The following FANCD2OS variants were observed in gnomAD, a reference collection of about 807,000 sequenced individuals.
FANCD2OS encodes FANCD2 opposite strand, also known as FANCD2 opposite strand protein.
In FANCD2OS, 11 loss-of-function variants were observed where a neutral mutation model predicts 13.2. The observed-to-expected ratio is 0.83, with a 90% CI of 0.52 to 1.38. The LOEUF (loss-of-function observed/expected upper bound fraction) is 1.38. Ranked by LOEUF, FANCD2OS falls within the 40% of genes most tolerant of loss-of-function variation. The probability of loss-of-function intolerance (pLI) is 0.00; values close to 1 mark genes in which losing one functional copy is unlikely to be tolerated. For missense variants in FANCD2OS, 217 were observed against 213.9 expected, an observed-to-expected ratio of 1.01 and a Z score of -0.09; for synonymous variants, 69 against 84.5, an observed-to-expected ratio of 0.82 and a Z score of 1.01.
In FANCD2OS at chr3:10,088,465, A is replaced by G. The variant is rs143403347; in HGVS notation, c.*44-6934T>C. On this transcript the variant is annotated intron_variant, in intron 2 of 2. Coordinates refer to the FANCD2OS transcript ENST00000524279. Reference sequence around the variant, plus strand: ...TTCTAACAGCTTCCCTTGCCAGACAATTCCTCTGTCGGGTGTGGCCAAGTG... The same window carrying G: ...TTCTAACAGCTTCCCTTGCCAGACAGTTCCTCTGTCGGGTGTGGCCAAGTG... 56 of 1,609,030 alleles carry G rather than the reference A, an allele frequency of 3.5e-5. No homozygotes were observed. The highest frequency in any genetic ancestry group is 1.8e-4 in the South Asian group (16 of 90,962).
At chr3:10,084,362 G>C (rs1035328449) in intron 2 of FANCD2OS, among the ~76,000 whole-genome samples, 33 of 150,308 alleles carry the variant, frequency 2.2e-4, no homozygotes, top group African/African-American at 7.1e-4. Flanking sequence ...CACAATCACA[G>C]CTCACTGCAA....
intron 2 of FANCD2OS, among the ~76,000 whole-genome samples, chr3:10,091,327 C>A (rs187584264): frequency 6.6e-6 from 1 of 151,400 alleles, no homozygotes. Flanking sequence ...GCAATCCTCC[C>A]GCCTCAGCCT....
chr3:10,084,452 G>T (rs566126092), intron 2 of FANCD2OS, among the ~76,000 whole-genome samples: 1 of 151,608 alleles, frequency 6.6e-6, no homozygotes, highest in Non-Finnish European at 1.5e-5. Context: ...ACCATGCCCA[G>T]CTGATTTTTC....
At chr3:10,098,930 C>G, downstream of FANCD2OS, 1 of 1,614,148 alleles carries the variant, frequency 6.2e-7, no homozygotes, top group Non-Finnish European at 8.5e-7. Context: ...GCTTCTATGC[C>G]CATTTCCATT....
At chr3:10,085,581 G>A (rs56063927) in intron 2 of FANCD2OS, among the ~76,000 whole-genome samples, 9 of 151,840 alleles carry the variant, frequency 5.9e-5, no homozygotes, top group African/African-American at 1.9e-4. Flanking sequence ...TAGTAGAGAC[G>A]GGATTTCACC....
At chr3:10,088,650 A>G in intron 2 of FANCD2OS, 2 of 1,083,202 alleles carry the variant, frequency 1.8e-6, no homozygotes, top group Non-Finnish European at 1.4e-6. Flanking sequence ...TTTGAAAACA[A>G]TGAAGTAGGT....
chr3:10,096,429 G>C, intron 2 of FANCD2OS: 1 of 1,614,164 alleles, frequency 6.2e-7, no homozygotes, highest in Non-Finnish European at 8.5e-7. Context: ...AACAATTGTA[G>C]AGAGGCTTTC....
downstream of FANCD2OS, chr3:10,101,402 T>TA (rs138111025): frequency 0.011 from 5,949 of 539,050 alleles, 77 homozygotes; most frequent in South Asian, 0.015. Flanking sequence ...TTTTTTTTTT[T>TA]AAAGACGGGG....
intron 2 of FANCD2OS, among the ~76,000 whole-genome samples, chr3:10,087,803 C>T (rs1002146315): frequency 1.3e-5 from 2 of 152,180 alleles, no homozygotes; most frequent in African/African-American, 2.4e-5. Context: ...TGCGCACCAC[C>T]GTGCCCAGCC....
chr3:10,098,736 C>T, downstream of FANCD2OS: 2 of 1,614,120 alleles, frequency 1.2e-6, no homozygotes, highest in Admixed American at 1.7e-5. Flanking sequence ...GAGATTAAGT[C>T]CCAAAATTCC....
chr3:10,100,872 C>A (rs1474723455), downstream of FANCD2OS, among the ~76,000 whole-genome samples: 2 of 151,918 alleles, frequency 1.3e-5, no homozygotes, highest in Non-Finnish European at 2.9e-5. Context: ...GAGTTTGAGA[C>A]CAGCCTTGCC....
chr3:10,084,866 A>G (rs571574759), intron 2 of FANCD2OS, among the ~76,000 whole-genome samples: 1 of 152,326 alleles, frequency 6.6e-6, no homozygotes, highest in Admixed American at 6.5e-5. Flanking sequence ...CCATAATACA[A>G]TGAAAGCAGT....
At chr3:10,101,323 G>T, downstream of FANCD2OS, 3 of 1,197,560 alleles carry the variant, frequency 2.5e-6, no homozygotes, top group Non-Finnish European at 3.7e-6. Flanking sequence ...TTTTGTGTTA[G>T]AGTTTGAAAT....
At chr3:10,105,801 TA>T in intron 1 of FANCD2OS, among the ~76,000 whole-genome samples, 1 of 75,476 alleles carries the variant, frequency 1.3e-5, no homozygotes, top group African/African-American at 8.2e-5. Context: ...TATATATATA[TA>T]TATATATATA....
downstream of FANCD2OS, chr3:10,099,036 C>T: frequency 6.2e-7 from 1 of 1,607,086 alleles, no homozygotes; most frequent in East Asian, 2.2e-5. Context: ...CGAGTTGTGG[C>T]ATTTGTTATA....
At chr3:10,102,653 T>G (rs1695350051), downstream of FANCD2OS, among the ~76,000 whole-genome samples, 1 of 151,354 alleles carries the variant, frequency 6.6e-6, no homozygotes, top group Non-Finnish European at 1.5e-5. Context: ...CCATCCTGGC[T>G]AACACAGTGA....
At chr3:10,103,916 C>T, downstream of FANCD2OS, 1 of 240,216 alleles carries the variant, frequency 4.2e-6, no homozygotes, top group Non-Finnish European at 8.0e-6. Flanking sequence ...CCCCCCAATT[C>T]ATTGTGGTTG....
intron 2 of FANCD2OS, among the ~76,000 whole-genome samples, chr3:10,086,377 C>T (rs1414658428): frequency 6.6e-6 from 1 of 152,178 alleles, no homozygotes; most frequent in East Asian, 1.9e-4. Flanking sequence ...TTTCGGCCCC[C>T]TCCCCCTTCA....
downstream of FANCD2OS, among the ~76,000 whole-genome samples, chr3:10,100,314 C>A (rs1467999149): frequency 1.3e-5 from 2 of 152,234 alleles, no homozygotes; most frequent in Non-Finnish European, 2.9e-5. Context: ...ATCTCTCATA[C>A]TAGTATCGTA....
Sources: gnomAD v4.1 joint callset for allele counts (sites outside exome capture counted in the v4.1 genomes callset) on GRCh38, gnomAD v4.1.1 for gene constraint, MANE v1.5 for transcripts, NCBI Gene and HGNC (gene_info 2026-07-23, HGNC 2026-07-21) for gene names.